Variants in LSAMP observed in about 807,000 individuals in gnomAD.
The protein encoded by LSAMP is limbic system-associated membrane protein.
A neutral mutation model predicts 38.6 loss-of-function variants in LSAMP; 7 were observed. The ratio of observed to expected loss-of-function variants is 0.18; its 90% CI spans 0.10 to 0.34. LSAMP has a LOEUF of 0.34. Among genes scored for constraint, LSAMP ranks in the 10% least tolerant of loss-of-function variants. The probability of loss-of-function intolerance (pLI) is 1.00; values close to 1 mark genes in which losing one functional copy is unlikely to be tolerated. For missense variants in LSAMP, 313 were observed against 420.0 expected, an observed-to-expected ratio of 0.75 and a Z score of 2.23; for synonymous variants, 154 against 166.8, an observed-to-expected ratio of 0.92 and a Z score of 0.59.
At chr3:115,885,605 G>T (rs6809025) in intron 3 of LSAMP, among the ~76,000 whole-genome samples, 92,322 of 144,290 alleles carry the variant, frequency 0.64, 29,737 homozygotes, top group Middle Eastern at 0.74. Context: ...AGAGGTCAAT[G>T]TGAAAGGTAA....
intron 1 of LSAMP, among the ~76,000 whole-genome samples, chr3:116,188,077 C>T (rs1710666046): frequency 6.6e-6 from 1 of 151,998 alleles, no homozygotes; most frequent in African/African-American, 2.4e-5. Flanking sequence ...CAAATCATTC[C>T]AACACATAAA....
intron 3 of LSAMP, among the ~76,000 whole-genome samples, chr3:115,955,857 A>G (rs889489082): frequency 3.3e-5 from 5 of 152,196 alleles, no homozygotes; most frequent in African/African-American, 1.2e-4. Context: ...TGAGAAGGTC[A>G]TTGGTATCCC....
chr3:115,862,878 C>T (rs1935748263), intron 3 of LSAMP, among the ~76,000 whole-genome samples: 1 of 152,102 alleles, frequency 6.6e-6, no homozygotes, highest in Non-Finnish European at 1.5e-5. Context: ...AGTGGGGGTC[C>T]CAGCTGCAGT....
intron 1 of LSAMP, among the ~76,000 whole-genome samples, chr3:116,108,868 G>C (rs1359432741): frequency 6.6e-6 from 1 of 152,146 alleles, no homozygotes; most frequent in African/African-American, 2.4e-5. Flanking sequence ...ATGTGGCTGG[G>C]GTTTGTCTCA....
intron 1 of LSAMP, among the ~76,000 whole-genome samples, chr3:116,115,615 G>C (rs1576372359): frequency 1.3e-5 from 2 of 151,998 alleles, no homozygotes; most frequent in Admixed American, 6.6e-5. Context: ...AGATTTGTGA[G>C]ATAGAAATTA....
intron 3 of LSAMP, among the ~76,000 whole-genome samples, chr3:116,010,077 G>A (rs1940282114): frequency 6.6e-6 from 1 of 151,852 alleles, no homozygotes; most frequent in South Asian, 2.1e-4. Context: ...CCACCACACC[G>A]AGCTAATTTT....
intron 1 of LSAMP, among the ~76,000 whole-genome samples, chr3:116,335,070 A>G (rs564438446): frequency 6.6e-6 from 1 of 152,060 alleles, no homozygotes; most frequent in Non-Finnish European, 1.5e-5. Context: ...TAGCATTTCT[A>G]TGTAATAATA....
At chr3:116,292,915 T>C (rs1168393754) in intron 1 of LSAMP, among the ~76,000 whole-genome samples, 2 of 152,226 alleles carry the variant, frequency 1.3e-5, no homozygotes, top group Non-Finnish European at 2.9e-5. Flanking sequence ...TAACCTTTTT[T>C]AGTCCATATC....
intron 1 of LSAMP, among the ~76,000 whole-genome samples, chr3:116,325,253 G>C (rs2047754851): frequency 6.6e-6 from 1 of 151,914 alleles, no homozygotes; most frequent in African/African-American, 2.4e-5. Flanking sequence ...CAATCCTCCT[G>C]CCTCAGTCTC....
At chr3:115,936,563 A>T (rs1937708580) in intron 3 of LSAMP, among the ~76,000 whole-genome samples, 1 of 152,096 alleles carries the variant, frequency 6.6e-6, no homozygotes, top group African/African-American at 2.4e-5. Context: ...CCTTTCAGGG[A>T]GGTGACAAAG....
At chr3:115,825,388 A>G (rs1371856376) in intron 6 of LSAMP, among the ~76,000 whole-genome samples, 1 of 152,214 alleles carries the variant, frequency 6.6e-6, no homozygotes, top group East Asian at 1.9e-4. Flanking sequence ...CAGTGACTCC[A>G]AATATAACAT....
At chr3:116,377,102 T>C (rs1172952601) in intron 1 of LSAMP, among the ~76,000 whole-genome samples, 2 of 152,078 alleles carry the variant, frequency 1.3e-5, no homozygotes, top group African/African-American at 2.4e-5. Context: ...CTGGGGTACA[T>C]GTGCAGGATG....
At chr3:116,374,564 G>T (rs2048470438) in intron 1 of LSAMP, among the ~76,000 whole-genome samples, 1 of 151,768 alleles carries the variant, frequency 6.6e-6, no homozygotes, top group Admixed American at 6.6e-5. Context: ...CCAAAACCTG[G>T]TTAATCTGCA....
chr3:115,807,461 C>G lies in LSAMP; in HGVS notation c.*2856G>C, dbSNP rs1478436063. On this transcript the variant is annotated 3_prime_UTR_variant, in exon 7 of 7. Transcript: ENST00000490035. ...AAACTGAGGGAACAAACGGTGCTGA[C>G]ATGGCAGACATTTATTTCAATGGAG... The G allele has an allele frequency of 6.6e-6, 1 of 152,134 alleles. No homozygotes were observed. The highest frequency in any genetic ancestry group is 1.5e-5 in the Non-Finnish European group (1 of 68,036). The allele number at this position is 152,134 out of a possible 1,614,324, so 9.4% of individuals were successfully genotyped here. A position where few individuals can be genotyped will look rare whatever the true frequency, so the allele number is the denominator to read the frequency against.
In LSAMP at chr3:116,434,028, C is replaced by A. The variant is rs73151122; in HGVS notation, c.155+10849G>T. On this transcript the variant is annotated intron_variant, in intron 1 of 6. Coordinates refer to ENST00000490035, the MANE Select transcript of LSAMP (RefSeq NM_002338.5). The stretch of plus-strand genomic sequence containing the variant: ...ATAAAATTCCTGAAAAGAATAACTG[C>A]AATGGGAAATATTGAAGGTATTTCT... 8.6e-3 allele frequency among the ~76,000 whole-genome samples: 1,303 copies of A among 152,270 alleles called. 14 individuals are homozygous for A. The highest frequency in any genetic ancestry group is 0.011 in the Non-Finnish European group (763 of 68,026).
At chr3:115,866,786 A>G (rs542994799) in intron 3 of LSAMP, among the ~76,000 whole-genome samples, 5 of 152,272 alleles carry the variant, frequency 3.3e-5, no homozygotes, top group African/African-American at 1.2e-4. Flanking sequence ...GCCAAGCAGG[A>G]TAAATTACCT....
chr3:116,162,525 G>C (rs1048875794), intron 1 of LSAMP, among the ~76,000 whole-genome samples: 4 of 152,046 alleles, frequency 2.6e-5, no homozygotes, highest in Non-Finnish European at 4.4e-5. Flanking sequence ...TTCATTAAGC[G>C]ATCCTCCACA....
rs557407645 is a variant in LSAMP, at chr3:116,072,517, A to G, written c.388+13807T>C. On this transcript the variant is annotated intron_variant, in intron 2 of 6. Coordinates refer to ENST00000490035, the MANE Select transcript of LSAMP (RefSeq NM_002338.5). The stretch of plus-strand genomic sequence containing the variant: ...TGGACTGATTTATACTCACCCCAAC[A>G]GTGTAAAAGTTTTCCTTTTCCTCTA... Among the ~76,000 whole-genome samples the G allele has an allele frequency of 9.2e-4, 140 of 152,294 alleles. 1 individual carries two copies. The highest frequency in any genetic ancestry group is 3.3e-3 in the African/African-American group (136 of 41,580).
intron 3 of LSAMP, among the ~76,000 whole-genome samples, chr3:115,955,159 C>T (rs1938415766): frequency 1.3e-5 from 2 of 152,100 alleles, no homozygotes; most frequent in Admixed American, 6.6e-5. Flanking sequence ...CGGTTTCGAT[C>T]TCCTGACCTC....
Sources: allele counts gnomAD v4.1 joint callset (sites outside exome capture counted in the v4.1 genomes callset), GRCh38; gene constraint gnomAD v4.1.1; transcripts MANE v1.5; gene names NCBI Gene and HGNC (gene_info 2026-07-23, HGNC 2026-07-21).